STAG1: variants seen among roughly 807,000 people sequenced by gnomAD.
STAG1 encodes the protein cohesin subunit SA-1.
A neutral mutation model predicts 170.9 loss-of-function variants in STAG1; 26 were observed. The ratio of observed to expected loss-of-function variants is 0.15; its 90% CI spans 0.11 to 0.21. The LOEUF (loss-of-function observed/expected upper bound fraction) is 0.21, where lower values mean the gene tolerates loss of function less well. STAG1 is among the 10% of genes least tolerant of loss of function. The pLI is 1.00. For missense variants in STAG1, 964 were observed against 1,509.5 expected, an observed-to-expected ratio of 0.64 and a Z score of 5.99; for synonymous variants, 514 against 497.7, an observed-to-expected ratio of 1.03 and a Z score of -0.44.
chr3:136,712,573 G>A (rs1292110629), intron 1 of STAG1, among the ~76,000 whole-genome samples: 1 of 152,132 alleles, frequency 6.6e-6, no homozygotes, highest in Non-Finnish European at 1.5e-5. Context: ...CAGAGATAGT[G>A]CAAATTAAAG....
chr3:136,506,830 G>A (rs1026340135), intron 7 of STAG1, among the ~76,000 whole-genome samples: 1 of 151,998 alleles, frequency 6.6e-6, no homozygotes, highest in Admixed American at 6.6e-5. Context: ...CAAAGACACT[G>A]GTATTCAGAA....
intron 1 of STAG1, among the ~76,000 whole-genome samples, chr3:136,632,028 C>G (rs536574890): frequency 4.6e-5 from 7 of 152,126 alleles, no homozygotes; most frequent in African/African-American, 1.4e-4. Flanking sequence ...AGGATACATA[C>G]ATACAGAAAG....
chr3:136,629,621 G>A (rs1041970627), intron 2 of STAG1, among the ~76,000 whole-genome samples: 10 of 151,788 alleles, frequency 6.6e-5, no homozygotes, highest in Admixed American at 2.0e-4. Context: ...TTTTTCAAGC[G>A]GTTTAAAGAA....
intron 9 of STAG1, among the ~76,000 whole-genome samples, chr3:136,484,756 C>G (rs2089970326): frequency 6.6e-6 from 1 of 151,446 alleles, no homozygotes; most frequent in African/African-American, 2.4e-5. Context: ...ACCCTCTGAG[C>G]CAGGTGTGGG....
chr3:136,458,967 C>T (rs576980909), intron 13 of STAG1, among the ~76,000 whole-genome samples: 5 of 152,134 alleles, frequency 3.3e-5, no homozygotes, highest in East Asian at 1.9e-4. Flanking sequence ...AGCCTGTAAT[C>T]GCAGCACTTT....
intron 1 of STAG1, among the ~76,000 whole-genome samples, chr3:136,726,720 G>A (rs187124602): frequency 1.6e-4 from 25 of 152,242 alleles, no homozygotes; most frequent in Admixed American, 7.8e-4. Context: ...CACTGCACCC[G>A]TCCTAGAAGA....
At chr3:136,384,328 T>C (rs1189791824) in intron 22 of STAG1, among the ~76,000 whole-genome samples, 1 of 151,802 alleles carries the variant, frequency 6.6e-6, no homozygotes, top group African/African-American at 2.4e-5. Context: ...CACATGTCTG[T>C]AGTCCTAGCT....
At chr3:136,521,847 T>A (rs72989452) in intron 6 of STAG1, among the ~76,000 whole-genome samples, 1,763 of 152,312 alleles carry the variant, frequency 0.012, 19 homozygotes, top group African/African-American at 0.041. Context: ...TTTTAAGAAG[T>A]GAGAATTTCA....
chr3:136,505,383 A>T (rs1055624449), intron 7 of STAG1, among the ~76,000 whole-genome samples: 1 of 151,458 alleles, frequency 6.6e-6, no homozygotes, highest in Non-Finnish European at 1.5e-5. Context: ...GCTGACCACA[A>T]CAAGTTTATT....
intron 30 of STAG1, among the ~76,000 whole-genome samples, chr3:136,341,910 A>C (rs936971059): frequency 5.3e-5 from 8 of 152,212 alleles, no homozygotes; most frequent in Non-Finnish European, 8.8e-5. Flanking sequence ...GTTCTCCAGA[A>C]TTCAACAAGG....
intron 1 of STAG1, among the ~76,000 whole-genome samples, chr3:136,680,999 T>C (rs186476208): frequency 1.3e-4 from 20 of 151,450 alleles, no homozygotes; most frequent in Middle Eastern, 3.4e-3. Flanking sequence ...TTTAAAATCA[T>C]TCTTGCAACC....
At chr3:136,354,753 C>CAAAAAAAAAAAAAAAAAAAA (rs1469138728) in intron 28 of STAG1, among the ~76,000 whole-genome samples, 1 of 624 alleles carries the variant, frequency 1.6e-3, no homozygotes, top group Non-Finnish European at 3.1e-3. Context: ...GGAGAAAGAA[C>CAAAAAAAAAAAAAAAAAAAA]CAAAAAAAAA....
intron 4 of STAG1, among the ~76,000 whole-genome samples, chr3:136,584,825 C>T (rs1303759961): frequency 1.3e-5 from 2 of 152,144 alleles, no homozygotes; most frequent in Non-Finnish European, 2.9e-5. Flanking sequence ...ACATTCATAT[C>T]CCAGCCCATT....
chr3:136,708,966 GCTT>G (rs79667486), intron 1 of STAG1, among the ~76,000 whole-genome samples: 2 of 86,940 alleles, frequency 2.3e-5, no homozygotes, highest in South Asian at 7.1e-4. Flanking sequence ...ACTGCAGCTG[GCTT>G]TTTTTTTTTT....
intron 9 of STAG1, among the ~76,000 whole-genome samples, chr3:136,487,225 C>T (rs918278347): frequency 1.8e-4 from 27 of 152,084 alleles, no homozygotes; most frequent in African/African-American, 6.0e-4. Flanking sequence ...TGAAAATATA[C>T]GGTGTTTGGT....
intron 5 of STAG1, among the ~76,000 whole-genome samples, chr3:136,562,929 G>C (rs1262810822): frequency 1.3e-5 from 2 of 152,260 alleles, no homozygotes; most frequent in East Asian, 3.9e-4. Flanking sequence ...GCAGAGTACA[G>C]GATAGTTGTT....
chr3:136,463,985 C>T (rs567951731), intron 13 of STAG1, among the ~76,000 whole-genome samples: 4 of 150,164 alleles, frequency 2.7e-5, no homozygotes, highest in East Asian at 2.0e-4. Context: ...CAGTAAATCA[C>T]GCTAAAACAT....
chr3:136,478,272 C>A (rs1194160886), intron 9 of STAG1, among the ~76,000 whole-genome samples: 1 of 152,094 alleles, frequency 6.6e-6, no homozygotes, highest in East Asian at 1.9e-4. Flanking sequence ...GCAGAACAAC[C>A]CGAAAAGTCA....
chr3:136,555,181 G>A (rs1936559865), intron 5 of STAG1, among the ~76,000 whole-genome samples: 2 of 149,830 alleles, frequency 1.3e-5, no homozygotes. Flanking sequence ...AGATAAAATG[G>A]AGAGTTTCCT....
Sources: allele counts gnomAD v4.1 joint callset (sites outside exome capture counted in the v4.1 genomes callset), GRCh38; gene constraint gnomAD v4.1.1; transcripts MANE v1.5; gene names NCBI Gene and HGNC (gene_info 2026-07-23, HGNC 2026-07-21).